TRAPPC13: variants seen among roughly 807,000 people sequenced by gnomAD.
TRAPPC13 encodes the protein REV7-interacting novel NHEJ regulator 1.
Under a neutral mutation model 54.0 loss-of-function variants are expected in TRAPPC13, and 39 were observed. That is an observed-to-expected ratio of 0.72 (90% confidence interval 0.56 to 0.94). The LOEUF (loss-of-function observed/expected upper bound fraction) is 0.94. Among genes scored for constraint, TRAPPC13 ranks in the 40% least tolerant of loss-of-function variants. TRAPPC13 has a pLI of 0.00. For synonymous variants in TRAPPC13, 148 were observed against 167.7 expected, an observed-to-expected ratio of 0.88 and a Z score of 0.91; for missense variants, 386 against 488.1, an observed-to-expected ratio of 0.79 and a Z score of 1.97.
intron 4 of TRAPPC13, among the ~76,000 whole-genome samples, chr5:65,644,187 T>C (rs1029713419): frequency 6.6e-6 from 1 of 152,208 alleles, no homozygotes; most frequent in Non-Finnish European, 1.5e-5. Context: ...TTTTTTTCTT[T>C]ATGTTTCAAA....
intron 5 of TRAPPC13, among the ~76,000 whole-genome samples, 193 bp from the exon 6 acceptor site, chr5:65,650,617 T>G (rs1756392721): frequency 6.6e-6 from 1 of 152,240 alleles, no homozygotes; most frequent in Non-Finnish European, 1.5e-5. Context: ...TTATATCTCA[T>G]TTTACTAATC....
intron 4 of TRAPPC13, among the ~76,000 whole-genome samples, chr5:65,640,104 A>G (rs2150672137): frequency 6.6e-6 from 1 of 152,352 alleles, no homozygotes; most frequent in South Asian, 2.1e-4. Context: ...GCCTTTCATT[A>G]AATTAGGAGT....
chr5:65,644,290 C>T (rs1239793072), intron 4 of TRAPPC13, among the ~76,000 whole-genome samples: 1 of 152,112 alleles, frequency 6.6e-6, no homozygotes, highest in Admixed American at 6.5e-5. Context: ...GATTCTTCTG[C>T]CTCAGCCTCC....
At chr5:65,625,208 C>A in intron 1 of TRAPPC13, 102 bp downstream of exon 1, 1 of 991,652 alleles carries the variant, frequency 1.0e-6, no homozygotes, top group Non-Finnish European at 1.6e-6. Flanking sequence ...ACACTCAGTG[C>A]TCGCCCTCCT....
At position 65,664,244 on chromosome 5, in the gene TRAPPC13, A is replaced by G. The variant is rs752906474; in HGVS notation, c.1006A>G (p.Thr336Ala). 1.2e-6 allele frequency: 2 copies of G among 1,613,714 alleles called. No individual in the cohort carries two copies. Among genetic ancestry groups the G allele is most frequent in the Non-Finnish European group, 1.7e-6 (2 of 1,179,736 alleles). Reference sequence around the variant, plus strand: ...TTCTGATTCCTCCAGCAGTGAAAGGACTATGGATCTGGTTTTGGAAATGTG... The same window carrying G: ...TTCTGATTCCTCCAGCAGTGAAAGGGCTATGGATCTGGTTTTGGAAATGTG... ...TCKITNCSER[T>A]MDLVLEMCNT... is the part of the protein sequence containing the mutation. The change falls in exon 12 of 13, where the codon ACT (threonine) becomes GCT (alanine). Residue 336 changes from threonine to alanine, a missense_variant. Physicochemically the swap from Thr to Ala is moderately conservative, Grantham distance 58. Transcript: ENST00000399438.
Position 65,664,334 on chromosome 5 carries a change from T to C in TRAPPC13, c.1096T>C (p.Ser366Pro), listed in dbSNP as rs1233383988. Residue 366 changes from serine to proline, a missense_variant, in exon 12 of 13, where the codon TCT becomes CCT. Transcript: ENST00000399438. ...ACAGCTGGGAAAGCTGCATCCAAGT[T>C]CTTCGCTCTGTCTTGCCCTTACTCT... ...GRQLGKLHPS[S>P]SLCLALTLLS... 1.9e-6 allele frequency: 3 copies of C among 1,613,864 alleles called. No homozygotes were observed. Among genetic ancestry groups the C allele is most frequent in the Non-Finnish European group, 2.5e-6 (3 of 1,179,888 alleles).
chr5:65,664,062 C>A, intron 11 of TRAPPC13, 175 bp from the exon 12 acceptor site: 1 of 643,164 alleles, frequency 1.6e-6, no homozygotes, highest in Non-Finnish European at 2.6e-6. Flanking sequence ...GACTTCCTTT[C>A]ATCTTCCTGG....
intron 6 of TRAPPC13, among the ~76,000 whole-genome samples, chr5:65,651,367 C>T (rs1204482380): frequency 1.3e-5 from 2 of 152,156 alleles, no homozygotes; most frequent in East Asian, 3.8e-4. Flanking sequence ...GTCAACAGAA[C>T]AAGACTCTGT....
Position 65,652,339 on chromosome 5 carries a change from C to CTTTTTTTTT in TRAPPC13, c.502-153_502-145dup, listed in dbSNP as rs11354403. ...TACATTAGGGATTCTTTTTTCTTTT[C>CTTTTTTTTT]TTTTTTTTTTTTTTTTTGGAAGAAT... On this transcript the variant is annotated intron_variant, in intron 6 of 12. Coordinates refer to ENST00000399438, the MANE Select transcript of TRAPPC13 (RefSeq NM_024941.4). Among the ~76,000 whole-genome samples, 38 of 116,194 alleles carry CTTTTTTTTT rather than the reference C, an allele frequency of 3.3e-4. 1 individual carries two copies. Among genetic ancestry groups the CTTTTTTTTT allele is most frequent in the African/African-American group, 7.8e-4 (25 of 31,866 alleles). 76.2% of individuals were successfully genotyped at this position (116,194 alleles called of 152,430 possible).
intron 5 of TRAPPC13, 142 bp downstream of exon 5, chr5:65,647,324 G>A: frequency 1.5e-6 from 1 of 650,784 alleles, no homozygotes; most frequent in African/African-American, 1.9e-5. Flanking sequence ...ATGTTTACCA[G>A]AAATAAAGTT....
chr5:65,651,706 TATG>T (rs1038782918), intron 6 of TRAPPC13, among the ~76,000 whole-genome samples: 13 of 136,372 alleles, frequency 9.5e-5, no homozygotes, highest in African/African-American at 3.6e-4. Flanking sequence ...TAGATCTAAA[TATG>T]ATACTGTATA....
intron 11 of TRAPPC13, 53 bp downstream of exon 11, chr5:65,662,203 A>G: frequency 1.6e-6 from 2 of 1,285,228 alleles, no homozygotes; most frequent in Non-Finnish European, 2.1e-6. Context: ...TGCCTAGAAG[A>G]TAATTTTAAA....
At chr5:65,655,548 C>A in intron 7 of TRAPPC13, 88 bp from the exon 8 acceptor site, 1 of 413,296 alleles carries the variant, frequency 2.4e-6, no homozygotes, top group Non-Finnish European at 3.9e-6. Context: ...TAAAAAAATG[C>A]AGAAATGCAT....
chr5:65,630,044 C>G (rs1376077754), intron 1 of TRAPPC13: 1 of 1,536,000 alleles, frequency 6.5e-7, no homozygotes, highest in Admixed American at 2.0e-5. Flanking sequence ...TAAAAAATTG[C>G]AAGATAGTTT....
intron 4 of TRAPPC13, among the ~76,000 whole-genome samples, chr5:65,641,123 A>G (rs1244365286): frequency 6.6e-6 from 1 of 151,936 alleles, no homozygotes; most frequent in Non-Finnish European, 1.5e-5. Flanking sequence ...TTTTAGAGAC[A>G]AGGTCTTGCT....
rs933945073 is a variant in TRAPPC13, at chr5:65,665,517, A to T, written c.*906A>T. On this transcript the variant is annotated 3_prime_UTR_variant, in exon 13 of 13. Transcript: ENST00000399438. ...TACTGAACACATCAGAATTGGTTTT[A>T]CTTTTTAGGTTGTTGATTTTTTTTA... 6.6e-6 allele frequency: 1 copy of T among 152,040 alleles called. No homozygotes were observed. The highest frequency in any genetic ancestry group is 2.4e-5 in the African/African-American group (1 of 41,402). The allele number at this position is 152,040 out of a possible 1,614,324, so 9.4% of individuals were successfully genotyped here.
In TRAPPC13 at chr5:65,664,502, A is replaced by G; in HGVS notation, c.1147-2A>G. 1.5e-6 allele frequency: 2 copies of G among 1,310,782 alleles called. No individual in the cohort carries two copies. Among genetic ancestry groups the G allele is most frequent in the Non-Finnish European group, 2.2e-6 (2 of 928,850 alleles). The allele number at this position is 1,310,782 out of a possible 1,614,324, so 81.2% of individuals were successfully genotyped here. Reference sequence around the variant, plus strand: ...TAGACTCATCTCTCTCTCTCTCAATAGAGCATCTCTGGCTTAAGACTAACA... The same window carrying G: ...TAGACTCATCTCTCTCTCTCTCAATGGAGCATCTCTGGCTTAAGACTAACA... On this transcript the variant is annotated splice_acceptor_variant, in intron 12 of 12. Coordinates refer to ENST00000399438, the MANE Select transcript of TRAPPC13 (RefSeq NM_024941.4). LOFTEE classifies it high-confidence loss of function.
chr5:65,629,621 T>C, intron 1 of TRAPPC13: 1 of 1,535,752 alleles, frequency 6.5e-7, no homozygotes, highest in Non-Finnish European at 8.7e-7. Context: ...TTATCGACCA[T>C]GTGAGAGTGA....
chr5:65,652,618 C>A, intron 7 of TRAPPC13, 73 bp downstream of exon 7: 1 of 1,075,158 alleles, frequency 9.3e-7, no homozygotes, highest in Non-Finnish European at 1.4e-6. Context: ...CTCTTATATA[C>A]ATTTCTAATA....
Sources: allele counts gnomAD v4.1 joint callset (sites outside exome capture counted in the v4.1 genomes callset), GRCh38; gene constraint gnomAD v4.1.1; transcripts MANE v1.5; gene names NCBI Gene and HGNC (gene_info 2026-07-23, HGNC 2026-07-21).